Variants in DCC observed in about 807,000 individuals in gnomAD.
DCC encodes the protein netrin receptor DCC.
A neutral mutation model predicts 172.5 loss-of-function variants in DCC; 58 were observed. The observed-to-expected ratio is 0.34, with a 90% CI of 0.27 to 0.42. DCC has a LOEUF of 0.42. Among genes scored for constraint, DCC ranks in the 10% least tolerant of loss-of-function variants. DCC has a pLI of 1.00. For synonymous variants in DCC, 709 were observed against 644.5 expected, an observed-to-expected ratio of 1.10 and a Z score of -1.52; for missense variants, 1,740 against 1,791.0, an observed-to-expected ratio of 0.97 and a Z score of 0.51.
At chr18:53,112,328 C>T (rs910301780) in intron 7 of DCC, among the ~76,000 whole-genome samples, 1 of 151,382 alleles carries the variant, frequency 6.6e-6, no homozygotes, top group Admixed American at 6.6e-5. Context: ...ATATACTCTG[C>T]TAAGTACTTT....
At chr18:52,343,184 A>G (rs1983732478) in intron 1 of DCC, among the ~76,000 whole-genome samples, 2 of 152,252 alleles carry the variant, frequency 1.3e-5, no homozygotes, top group Non-Finnish European at 1.5e-5. Flanking sequence ...GCCTTTGCTC[A>G]TTAATCTGAG....
chr18:52,393,304 T>C (rs1986099288), intron 1 of DCC, among the ~76,000 whole-genome samples: 2 of 152,074 alleles, frequency 1.3e-5, no homozygotes, highest in South Asian at 4.1e-4. Flanking sequence ...ACGATGCAGA[T>C]ATAGTTTGAA....
chr18:53,240,313 A>T (rs1167302697), intron 12 of DCC, among the ~76,000 whole-genome samples: 1 of 152,140 alleles, frequency 6.6e-6, no homozygotes, highest in East Asian at 1.9e-4. Context: ...CTTACACTGA[A>T]TATTTTCCCA....
chr18:53,033,793 C>A (rs1399396885), intron 5 of DCC, among the ~76,000 whole-genome samples: 2 of 152,092 alleles, frequency 1.3e-5, no homozygotes, highest in African/African-American at 2.4e-5. Context: ...TATAAAACTT[C>A]TCTATAATGT....
chr18:52,660,147 T>G (rs909622148), intron 1 of DCC, among the ~76,000 whole-genome samples: 5 of 152,144 alleles, frequency 3.3e-5, no homozygotes, highest in Non-Finnish European at 4.4e-5. Context: ...ATTTGGTGTG[T>G]AAACATATTA....
intron 8 of DCC, among the ~76,000 whole-genome samples, chr18:53,158,392 G>C (rs1380919737): frequency 2.0e-5 from 3 of 152,128 alleles, no homozygotes; most frequent in African/African-American, 7.2e-5. Context: ...TGATGTTTAA[G>C]TCTGAGGTAA....
At chr18:52,476,123 C>T (rs751640960) in intron 1 of DCC, among the ~76,000 whole-genome samples, 7 of 152,176 alleles carry the variant, frequency 4.6e-5, no homozygotes, top group Non-Finnish European at 1.0e-4. Flanking sequence ...AGCACAGGCT[C>T]AATGAAAATC....
intron 21 of DCC, among the ~76,000 whole-genome samples, chr18:53,429,328 A>C (rs1911454910): frequency 6.6e-6 from 1 of 151,172 alleles, no homozygotes. Flanking sequence ...TAAGATGTAA[A>C]CCAAGAGCAG....
chr18:53,448,676 T>C (rs958024075), intron 22 of DCC, among the ~76,000 whole-genome samples: 5 of 152,026 alleles, frequency 3.3e-5, no homozygotes, highest in African/African-American at 1.2e-4. Flanking sequence ...CTGGTCAACA[T>C]GGCAAAACCC....
chr18:52,600,983 T>A (rs1379104119), intron 1 of DCC, among the ~76,000 whole-genome samples: 1 of 152,080 alleles, frequency 6.6e-6, no homozygotes, highest in Non-Finnish European at 1.5e-5. Context: ...CTCATGTAGA[T>A]GAAAATTAAT....
chr18:52,553,235 C>T (rs562830314), intron 1 of DCC, among the ~76,000 whole-genome samples: 2 of 150,600 alleles, frequency 1.3e-5, no homozygotes, highest in East Asian at 3.9e-4. Context: ...TATACACACA[C>T]ACACATATAT....
At chr18:53,464,979 CAAAAA>C (rs71179510) in intron 24 of DCC, among the ~76,000 whole-genome samples, 10 of 54,838 alleles carry the variant, frequency 1.8e-4, no homozygotes, top group Non-Finnish European at 3.4e-4. Context: ...AACTCAATCT[CAAAAA>C]AAAAAAAAAA....
intron 5 of DCC, among the ~76,000 whole-genome samples, chr18:52,944,444 G>A (rs1038130942): frequency 6.6e-6 from 1 of 152,152 alleles, no homozygotes; most frequent in Non-Finnish European, 1.5e-5. Flanking sequence ...TAAAATCTGA[G>A]CCTAAAGGCA....
At chr18:52,700,285 CACA>C (rs1264371208) in intron 1 of DCC, among the ~76,000 whole-genome samples, 8 of 81,632 alleles carry the variant, frequency 9.8e-5, no homozygotes, top group African/African-American at 3.9e-4. Context: ...CACATGCACA[CACA>C]TGCACATCCA....
chr18:52,650,429 A>T (rs895416414), intron 1 of DCC, among the ~76,000 whole-genome samples: 2 of 152,188 alleles, frequency 1.3e-5, no homozygotes, highest in Non-Finnish European at 2.9e-5. Context: ...TTACACTAAA[A>T]GCCCAGACTT....
chr18:53,223,109 T>G (rs919865729), intron 12 of DCC, among the ~76,000 whole-genome samples: 7 of 152,132 alleles, frequency 4.6e-5, no homozygotes, highest in African/African-American at 1.7e-4. Context: ...TTGAATAAGT[T>G]AGAGACATGA....
chr18:52,787,340 A>C (rs562689508), intron 2 of DCC, among the ~76,000 whole-genome samples: 1 of 152,134 alleles, frequency 6.6e-6, no homozygotes, highest in South Asian at 2.1e-4. Flanking sequence ...ATATGGCTTG[A>C]TGATAAACCA....
At chr18:52,755,231 C>T (rs1035304921) in intron 2 of DCC, among the ~76,000 whole-genome samples, 1 of 152,140 alleles carries the variant, frequency 6.6e-6, no homozygotes, top group African/African-American at 2.4e-5. Context: ...ATGAAGCAGG[C>T]TGATATTTTG....
chr18:52,700,190 ACACACGCACATACACACATGCACATGTG>A (rs1327521249), intron 1 of DCC, among the ~76,000 whole-genome samples: 1 of 149,818 alleles, frequency 6.7e-6, no homozygotes, highest in East Asian at 2.0e-4. Context: ...GCACACGCAC[ACACACGCACATACACACATGCACATGTG>A]CACACACATG....
Sources: allele counts gnomAD v4.1 joint callset (sites outside exome capture counted in the v4.1 genomes callset), GRCh38; gene constraint gnomAD v4.1.1; transcripts MANE v1.5; gene names NCBI Gene and HGNC (gene_info 2026-07-23, HGNC 2026-07-21).